The following EFCAB11 variants were observed in gnomAD, a reference collection of about 807,000 sequenced individuals.
The protein encoded by EFCAB11 is EF-hand calcium-binding domain-containing protein 11.
Under a neutral mutation model 23.0 loss-of-function variants are expected in EFCAB11, and 14 were observed. The ratio of observed to expected loss-of-function variants is 0.61; its 90% CI spans 0.40 to 0.95. The LOEUF is 0.95. EFCAB11 is among the 40% of genes least tolerant of loss of function. The probability of loss-of-function intolerance (pLI) is 0.00; values close to 1 mark genes in which losing one functional copy is unlikely to be tolerated. For missense variants in EFCAB11, 198 were observed against 195.8 expected (o/e 1.01, Z -0.07); for synonymous variants, 65 against 66.6 (o/e 0.98, Z 0.11).
In EFCAB11 at chr14:89,910,875, G is replaced by C. The variant is rs1266746914; in HGVS notation, c.410+20666C>G. ...TTCTATCTCTTTAGAATTAACATGAGCCTAATGATTGGAGGACAGGGTAAA... is the reference window on the plus strand; with the variant it reads ...TTCTATCTCTTTAGAATTAACATGACCCTAATGATTGGAGGACAGGGTAAA... On this transcript the variant is annotated intron_variant, in intron 5 of 5. Coordinates refer to ENST00000316738, the MANE Select transcript of EFCAB11 (RefSeq NM_145231.4). Among the ~76,000 whole-genome samples, 4 of 152,110 alleles carry C rather than the reference G, an allele frequency of 2.6e-5. No individual in the cohort carries two copies. The East Asian group carries it at 7.7e-4, about 29-fold the overall frequency.
intron 5 of EFCAB11, among the ~76,000 whole-genome samples, chr14:89,914,246 GGCA>G (rs1353597186): frequency 6.6e-6 from 1 of 152,166 alleles, no homozygotes; most frequent in Non-Finnish European, 1.5e-5. Flanking sequence ...CGCAGCATGA[GGCA>G]TCATCACACC....
Position 89,863,462 on chromosome 14 carries a change from C to T in EFCAB11, c.411-66138G>A, listed in dbSNP as rs368306138. Among the ~76,000 whole-genome samples the T allele has an allele frequency of 2.8e-4, 42 of 152,366 alleles. No individual in the cohort carries two copies. In the South Asian group the frequency reaches 8.3e-3, roughly 30 times the overall value. The stretch of plus-strand genomic sequence containing the variant: ...TCCTTGCCAACATCTGAGCCTCTCC[C>T]ATCCTCTGCAGGCTTTCTCCTCTCA... On this transcript the variant is annotated intron_variant, in intron 5 of 5. Coordinates refer to ENST00000316738, the MANE Select transcript of EFCAB11 (RefSeq NM_145231.4).
intron 5 of EFCAB11, 174 bp downstream of exon 5, chr14:89,931,367 G>T: frequency 1.6e-6 from 1 of 609,712 alleles, no homozygotes; most frequent in Non-Finnish European, 2.8e-6. Context: ...CAGGGGCATG[G>T]AAGGACCCAT....
intron 5 of EFCAB11, among the ~76,000 whole-genome samples, chr14:89,918,921 G>A (rs1030409670): frequency 2.0e-5 from 3 of 150,916 alleles, no homozygotes; most frequent in African/African-American, 7.3e-5. Context: ...AGCAATAGGG[G>A]TATTGTCTGA....
chr14:89,817,063 A>C (rs577335239), intron 5 of EFCAB11, among the ~76,000 whole-genome samples: 1 of 152,252 alleles, frequency 6.6e-6, no homozygotes, highest in Admixed American at 6.5e-5. Flanking sequence ...GAAAAAATGA[A>C]AATAGGCAAT....
chr14:89,890,589 G>C (rs1025443784), intron 5 of EFCAB11, among the ~76,000 whole-genome samples: 7 of 152,124 alleles, frequency 4.6e-5, no homozygotes, highest in African/African-American at 1.4e-4. Context: ...TCTGTTTTTG[G>C]ATACTCAGAT....
At chr14:89,836,152 A>G (rs1010999640) in intron 5 of EFCAB11, among the ~76,000 whole-genome samples, 1 of 152,144 alleles carries the variant, frequency 6.6e-6, no homozygotes, top group Admixed American at 6.5e-5. Context: ...GAAAACACAG[A>G]TGGTCAAGGG....
At chr14:89,892,075 T>C in intron 5 of EFCAB11, 2 of 1,543,434 alleles carry the variant, frequency 1.3e-6, no homozygotes, top group Admixed American at 3.9e-5. Context: ...TGGTCTTTGA[T>C]GTGACAAACA....
chr14:89,889,313 C>T (rs548578726), intron 5 of EFCAB11, among the ~76,000 whole-genome samples: 10 of 152,260 alleles, frequency 6.6e-5, no homozygotes, highest in East Asian at 1.9e-4. Context: ...ATCATGGATT[C>T]GAAGCCTTAC....
At chr14:89,928,075 G>A (rs2401859) in intron 5 of EFCAB11, among the ~76,000 whole-genome samples, 28,688 of 152,012 alleles carry the variant, frequency 0.19, 3,147 homozygotes, top group South Asian at 0.32. Flanking sequence ...TAAAAATACA[G>A]TTGAGAGTTT....
chr14:89,915,591 A>C (rs1412458433), intron 5 of EFCAB11, among the ~76,000 whole-genome samples: 1 of 152,212 alleles, frequency 6.6e-6, no homozygotes, highest in Non-Finnish European at 1.5e-5. Flanking sequence ...TAAAATTAGA[A>C]ATGCATTTCT....
At chr14:89,938,763 AAC>A (rs1369808605) in intron 3 of EFCAB11, among the ~76,000 whole-genome samples, 1 of 151,968 alleles carries the variant, frequency 6.6e-6, no homozygotes, top group East Asian at 1.9e-4. Flanking sequence ...CTCTACTAAA[AAC>A]ACAAAAACTA....
At chr14:89,803,993 C>T (rs1596373067) in intron 5 of EFCAB11, among the ~76,000 whole-genome samples, 1 of 152,240 alleles carries the variant, frequency 6.6e-6, no homozygotes, top group Admixed American at 6.5e-5. Flanking sequence ...TTCTAGGCTC[C>T]AACATGACTT....
At chr14:89,941,715 C>T in intron 3 of EFCAB11, among the ~76,000 whole-genome samples, 1 of 151,456 alleles carries the variant, frequency 6.6e-6, no homozygotes, top group Non-Finnish European at 1.5e-5. Context: ...CATGAATGGC[C>T]AGAGTTTTTT....
At position 89,954,625 on chromosome 14, in the gene EFCAB11, C is replaced by A. The variant is rs35104576; in HGVS notation, c.36G>T (p.Thr12=). 6,310 of 1,613,582 alleles carry A rather than the reference C, an allele frequency of 3.9e-3. 216 individuals carry two copies. The African/African-American group carries it at 0.075, about 19-fold the overall frequency. The part of the protein sequence containing the change: ...FFSEARARSR[T]WEASPSEHRK... ...TGTGTTCCGAGGGACTGGCTTCCCA[C>A]GTCCGCGACCTGGCTCTGGCCTCGG... Residue 12 remains threonine (T), a synonymous_variant, in exon 1 of 6, where the codon ACG becomes ACT. Transcript: ENST00000316738.
intron 5 of EFCAB11, among the ~76,000 whole-genome samples, chr14:89,864,426 T>G (rs1888022692): frequency 6.6e-6 from 1 of 152,044 alleles, no homozygotes; most frequent in Non-Finnish European, 1.5e-5. Flanking sequence ...TTCCTTTTGT[T>G]TCCTTCCTTT....
At chr14:89,808,100 T>C (rs1008427428) in intron 5 of EFCAB11, among the ~76,000 whole-genome samples, 2 of 152,176 alleles carry the variant, frequency 1.3e-5, no homozygotes, top group Non-Finnish European at 2.9e-5. Context: ...CAAAATTTAC[T>C]TCCCTCTCTT....
chr14:89,909,334 T>C (rs917826600), intron 5 of EFCAB11, among the ~76,000 whole-genome samples: 5 of 152,154 alleles, frequency 3.3e-5, no homozygotes, highest in Non-Finnish European at 7.4e-5. Context: ...TCCCAGCACT[T>C]TGGGAGGCCA....
intron 5 of EFCAB11, among the ~76,000 whole-genome samples, chr14:89,898,513 T>G (rs1360815258): frequency 6.6e-6 from 1 of 152,084 alleles, no homozygotes; most frequent in East Asian, 1.9e-4. Flanking sequence ...TATAGGCCCA[T>G]GCCACCATGT....
Sources: gnomAD v4.1 joint callset for allele counts (sites outside exome capture counted in the v4.1 genomes callset) on GRCh38, gnomAD v4.1.1 for gene constraint, MANE v1.5 for transcripts, NCBI Gene and HGNC (gene_info 2026-07-23, HGNC 2026-07-21) for gene names.